Variants in SGCD observed in about 807,000 individuals in gnomAD.
SGCD encodes the protein delta-sarcoglycan.
Under a neutral mutation model 36.6 loss-of-function variants are expected in SGCD, and 18 were observed. That is an observed-to-expected ratio of 0.49 (90% CI 0.34 to 0.73). The LOEUF is 0.73. Ranked by LOEUF, SGCD falls within the 30% of genes least tolerant of loss-of-function variation. The probability of loss-of-function intolerance (pLI) is 0.01; values close to 1 mark genes in which losing one functional copy is unlikely to be tolerated. For missense variants in SGCD, 387 were observed against 346.7 expected, an observed-to-expected ratio of 1.12 and a Z score of -0.92; for synonymous variants, 133 against 130.6, an observed-to-expected ratio of 1.02 and a Z score of -0.12.
chr5:156,695,020 T>G (rs1327039143), intron 7 of SGCD, among the ~76,000 whole-genome samples: 1 of 152,148 alleles, frequency 6.6e-6, no homozygotes, highest in Non-Finnish European at 1.5e-5. Context: ...CCTTCCTTCT[T>G]AACTGCAAAC....
intron 7 of SGCD, among the ~76,000 whole-genome samples, chr5:156,692,449 C>T (rs79211336): frequency 0.026 from 4,023 of 152,256 alleles, 177 homozygotes; most frequent in African/African-American, 0.092. Flanking sequence ...GAAGATCTAA[C>T]TCTGCTATAC....
At chr5:156,465,907 T>G (rs770377205) in intron 3 of SGCD, among the ~76,000 whole-genome samples, 1 of 152,214 alleles carries the variant, frequency 6.6e-6, no homozygotes, top group Non-Finnish European at 1.5e-5. Flanking sequence ...CTTGTACTCA[T>G]TACTTGAGAC....
intron 1 of SGCD, among the ~76,000 whole-genome samples, chr5:156,084,624 C>T (rs1338187028): frequency 6.6e-6 from 1 of 152,098 alleles, no homozygotes; most frequent in Non-Finnish European, 1.5e-5. Context: ...TCTATGTAGA[C>T]AGTGAAGTCC....
the SGCD span, among the ~76,000 whole-genome samples, chr5:155,729,980 C>T: frequency 1.3e-5 from 2 of 152,142 alleles, no homozygotes; most frequent in Non-Finnish European, 2.9e-5. Flanking sequence ...TAGTTTCGCT[C>T]CTCTGTACTC....
chr5:156,445,853 CTG>C (rs1247763134), intron 3 of SGCD, among the ~76,000 whole-genome samples: 5 of 152,234 alleles, frequency 3.3e-5, no homozygotes, highest in Admixed American at 2.6e-4. Context: ...CACACAAACA[CTG>C]TGTTTTTAAC....
intron 3 of SGCD, among the ~76,000 whole-genome samples, chr5:156,481,013 A>C (rs549157855): frequency 2.0e-5 from 3 of 152,338 alleles, no homozygotes; most frequent in Non-Finnish European, 2.9e-5. Context: ...ACATTATCAC[A>C]GTTTTGAACA....
the SGCD span, among the ~76,000 whole-genome samples, chr5:155,811,593 A>G: frequency 6.6e-6 from 1 of 152,204 alleles, no homozygotes; most frequent in Non-Finnish European, 1.5e-5. Flanking sequence ...TTATGCTAGA[A>G]AGTTATTGTC....
chr5:156,597,231 TAAATA>T (rs1413463112), intron 6 of SGCD, among the ~76,000 whole-genome samples: 2 of 152,180 alleles, frequency 1.3e-5, no homozygotes, highest in Non-Finnish European at 2.9e-5. Context: ...ATAGTCCCAA[TAAATA>T]AAATAGATGA....
At chr5:155,913,029 G>A (rs1756663503) in intron 1 of SGCD, among the ~76,000 whole-genome samples, 1 of 152,234 alleles carries the variant, frequency 6.6e-6, no homozygotes. Flanking sequence ...GCATTGTGAT[G>A]TATTTCTACA....
intron 6 of SGCD, among the ~76,000 whole-genome samples, chr5:156,638,633 T>G (rs1409124300): frequency 6.6e-6 from 1 of 152,200 alleles, no homozygotes; most frequent in Non-Finnish European, 1.5e-5. Flanking sequence ...ACTGTGCAGT[T>G]TTATTTACTA....
At chr5:156,164,022 CAA>C (rs1212346034) in intron 3 of SGCD, among the ~76,000 whole-genome samples, 20 of 58,438 alleles carry the variant, frequency 3.4e-4, no homozygotes, top group Non-Finnish European at 2.8e-4. Flanking sequence ...GACTCTGTCT[CAA>C]AAAAAAAAAA....
At chr5:156,071,994 T>C (rs1760583549) in intron 1 of SGCD, among the ~76,000 whole-genome samples, 1 of 152,200 alleles carries the variant, frequency 6.6e-6, no homozygotes, top group Non-Finnish European at 1.5e-5. Flanking sequence ...TAGATCTTCC[T>C]CCATCCTTTT....
At chr5:156,374,117 G>A (rs1227267839) in intron 3 of SGCD, among the ~76,000 whole-genome samples, 1 of 148,024 alleles carries the variant, frequency 6.8e-6, no homozygotes, top group Non-Finnish European at 1.5e-5. Flanking sequence ...TACAGAGAGG[G>A]AAACTTCAGA....
the SGCD span, among the ~76,000 whole-genome samples, chr5:155,732,030 T>G: frequency 5.6e-4 from 86 of 152,248 alleles, no homozygotes; most frequent in African/African-American, 2.0e-3. Context: ...CCAAGGAAGT[T>G]GCTCAGCCAG....
At chr5:156,682,792 A>G (rs1268447697) in intron 7 of SGCD, among the ~76,000 whole-genome samples, 2 of 54,416 alleles carry the variant, frequency 3.7e-5, no homozygotes, top group African/African-American at 8.7e-5. Context: ...ACATTTGAGA[A>G]CACTTAATAA....
intron 1 of SGCD, among the ~76,000 whole-genome samples, chr5:156,033,725 C>T (rs1284495722): frequency 1.3e-5 from 2 of 152,122 alleles, no homozygotes; most frequent in East Asian, 3.9e-4. Context: ...AACCATTCAA[C>T]AAATATTAGG....
chr5:156,461,072 C>T (rs1432466753), intron 3 of SGCD, among the ~76,000 whole-genome samples: 1 of 152,070 alleles, frequency 6.6e-6, no homozygotes, highest in African/African-American at 2.4e-5. Context: ...CACACAAAAC[C>T]GTTTTCTTTT....
chr5:155,839,122 TA>T, the SGCD span, among the ~76,000 whole-genome samples: 1 of 152,120 alleles, frequency 6.6e-6, no homozygotes, highest in African/African-American at 2.4e-5. Flanking sequence ...CACATAAAAT[TA>T]AGGTGAATGT....
chr5:156,318,704 T>C (rs1411140832), intron 3 of SGCD, among the ~76,000 whole-genome samples: 1 of 152,024 alleles, frequency 6.6e-6, no homozygotes. Flanking sequence ...CAAGTGATTC[T>C]CCTGCCTCAG....
Sources: gnomAD v4.1 joint callset for allele counts (sites outside exome capture counted in the v4.1 genomes callset) on GRCh38, gnomAD v4.1.1 for gene constraint, MANE v1.5 for transcripts, NCBI Gene and HGNC (gene_info 2026-07-23, HGNC 2026-07-21) for gene names.